Variants in SLC35A2 observed in about 807,000 individuals in gnomAD.
SLC35A2 encodes the protein solute carrier family 35 member A2.
Under a neutral mutation model 17.3 loss-of-function variants are expected in SLC35A2, and 1 was observed. The ratio of observed to expected loss-of-function variants is 0.06; its 90% CI spans 0.02 to 0.27. SLC35A2 has a LOEUF of 0.27. Ranked by LOEUF, SLC35A2 falls within the 10% of genes least tolerant of loss-of-function variation. SLC35A2 has a pLI of 1.00. For missense variants in SLC35A2, 191 were observed against 339.3 expected, an observed-to-expected ratio of 0.56 and a Z score of 3.43; for synonymous variants, 161 against 161.3, an observed-to-expected ratio of 1.00 and a Z score of 0.01.
rs1057522337 is a variant in SLC35A2 at position 48,911,547 on chromosome X, C to G, written c.90G>C (p.Ala30=). The change falls in exon 1 of 5, where the codon GCG becomes GCC. Residue 30 remains alanine, a splice_region_variant and synonymous_variant. Transcript: ENST00000247138. ...GACTGCTCGGGCAGACTGTCTCACC[C>G]GCACTGGCGGTCCCCGGCTCCAATG... ...AGALEPGTAS[A]AHRRLKYISL... 5 of 1,161,572 alleles carry G rather than the reference C, an allele frequency of 4.3e-6. No individual in the cohort carries two copies. In the Admixed American group the frequency reaches 1.3e-4, roughly 30 times the overall value.
chrX:48,910,533 A>T (rs1291379802), intron 1 of SLC35A2, among the ~76,000 whole-genome samples: 2 of 111,675 alleles, frequency 1.8e-5, no homozygotes, highest in Non-Finnish European at 3.8e-5. Flanking sequence ...TCTCATGTAA[A>T]GAATAACACA....
intron 4 of SLC35A2, chrX:48,904,421 G>A: frequency 9.2e-7 from 1 of 1,091,141 alleles, no homozygotes; most frequent in Non-Finnish European, 1.2e-6. Flanking sequence ...GGTCGGGGAG[G>A]GAGCAGACAA....
At chrX:48,911,748 G>A (rs898598564), upstream of SLC35A2, 20 of 1,159,917 alleles carry the variant, frequency 1.7e-5, no homozygotes, top group African/African-American at 1.8e-4. Flanking sequence ...GGATCGTCAG[G>A]GTGGTGGCTT....
chrX:48,903,296 C>A lies in SLC35A2; in HGVS notation c.*142G>T. On this transcript the variant is annotated 3_prime_UTR_variant, in exon 5 of 5. Transcript: ENST00000247138. ...TCATGAGAGAGCTTAGTCATGTTGG[C>A]CCTGGGTGGGGCAGGGGTGGTGGGG... The A allele has an allele frequency of 1.5e-6, 1 of 679,481 alleles. No homozygotes were observed. Among genetic ancestry groups the A allele is most frequent in the Non-Finnish European group, 2.3e-6 (1 of 427,443 alleles). 56.0% of individuals were successfully genotyped at this position (679,481 alleles called of 1,213,427 possible).
upstream of SLC35A2, chrX:48,911,919 G>A (rs782645403): frequency 2.7e-5 from 32 of 1,167,242 alleles, no homozygotes; most frequent in Non-Finnish European, 3.6e-5. Context: ...CCTGCCGTTC[G>A]TCCGCTTCAC....
Position 48,903,453 on chromosome X carries a change from C to T in SLC35A2, c.1176G>A (p.Lys392=), listed in dbSNP as rs2063458793. 1.7e-6 allele frequency: 1 copy of T among 571,622 alleles called. No individual in the cohort carries two copies. Among genetic ancestry groups the T allele is most frequent in the Admixed American group, 2.2e-5 (1 of 44,776 alleles). The allele number at this position is 571,622 out of a possible 1,213,427, so 47.1% of individuals were successfully genotyped here. ...TEPFLPKLLT[K]VKGS is the part of the protein sequence containing the mutation. ...ATCCCAGCGGCTAGGAACCCTTCACCTTGGTGAGCAACCTGTGGTGGGAAT... is the reference window on the plus strand; with the variant it reads ...ATCCCAGCGGCTAGGAACCCTTCACTTTGGTGAGCAACCTGTGGTGGGAAT... Residue 392 remains lysine (K), a synonymous_variant, in exon 5 of 5, where the codon AAG becomes AAA. Coordinates refer to ENST00000247138, the MANE Select transcript of SLC35A2 (RefSeq NM_005660.3).
chrX:48,903,897 G>A (rs1348448440), intron 4 of SLC35A2: 1 of 775,171 alleles, frequency 1.3e-6, no homozygotes, highest in Non-Finnish European at 1.5e-6. Flanking sequence ...ACAGCCAGAC[G>A]GATATCAAGA....
intron 4 of SLC35A2, chrX:48,903,939 A>T (rs782203555): frequency 1.3e-6 from 1 of 760,934 alleles, no homozygotes; most frequent in Admixed American, 7.8e-5. Context: ...TCTCCTAGAC[A>T]TCTCCAAAAA....
chrX:48,911,812 T>A, upstream of SLC35A2: 1 of 1,167,231 alleles, frequency 8.6e-7, no homozygotes, highest in Non-Finnish European at 1.1e-6. Flanking sequence ...ATTTCCAAAT[T>A]CCGTCGGATC....
intron 1 of SLC35A2, chrX:48,910,440 C>T: frequency 2.2e-6 from 1 of 459,393 alleles, no homozygotes; most frequent in African/African-American, 2.5e-5. Context: ...CTGTCATCTC[C>T]AAAAGAACTG....
At chrX:48,903,809 T>C (rs2063463233) in intron 4 of SLC35A2, 1 of 845,138 alleles carries the variant, frequency 1.2e-6, no homozygotes, top group South Asian at 4.2e-5. Context: ...AAGGGGTTAA[T>C]AAGCTTTGGG....
At chrX:48,904,290 A>G in intron 4 of SLC35A2, 2 of 981,145 alleles carry the variant, frequency 2.0e-6, no homozygotes, top group Non-Finnish European at 2.6e-6. Flanking sequence ...ACTGAACCCC[A>G]CAGGTAGGCA....
intron 3 of SLC35A2, chrX:48,905,794 G>A: frequency 6.3e-6 from 2 of 315,626 alleles, no homozygotes; most frequent in East Asian, 4.9e-5. Context: ...ATCTATAAAA[G>A]ATGGCTGAGG....
intron 2 of SLC35A2, among the ~76,000 whole-genome samples, chrX:48,909,475 C>G (rs782470209): frequency 1.9e-4 from 21 of 113,016 alleles, no homozygotes; most frequent in Non-Finnish European, 3.4e-4. Flanking sequence ...TTGCTAATTG[C>G]TGACTCTGGG....
intron 3 of SLC35A2, chrX:48,906,070 C>A: frequency 5.0e-6 from 2 of 402,733 alleles, no homozygotes; most frequent in East Asian, 4.1e-5. Context: ...GAGATTTGAA[C>A]CCAGACAGCC....
rs1336898157 is a variant in SLC35A2, at chrX:48,906,375, C to T, written c.426+17G>A. On this transcript the variant is annotated intron_variant, in intron 3 of 4. Coordinates refer to ENST00000247138, the MANE Select transcript of SLC35A2 (RefSeq NM_005660.3). ...CCCAGTTAGTTCCTCTGGGGCCATG[C>T]TGGGCTTGGGGCTCACCTGGAAAGT... 1 of 1,206,830 alleles carries T rather than the reference C, an allele frequency of 8.3e-7. No individual in the cohort carries two copies. Among genetic ancestry groups the T allele is most frequent in the Non-Finnish European group, 1.1e-6 (1 of 891,715 alleles).
At chrX:48,903,567 T>C in intron 4 of SLC35A2, 102 bp from the exon 5 acceptor site, 1 of 552,546 alleles carries the variant, frequency 1.8e-6, no homozygotes, top group Non-Finnish European at 3.2e-6. Context: ...CTGGTAGTCC[T>C]GGGGTTAGTA....
rs1557042672 is a variant in SLC35A2 at position 48,904,832 on chromosome X, G to A, written c.1077C>T (p.Cys359=). ...ASASASASGP[C]VHQQPPGQPP... ...GCTGCCCGGGAGGCTGCTGGTGAACGCAGGGCCCGGAGGCGGAGGCAGAGG... is the reference window on the plus strand; with the variant it reads ...GCTGCCCGGGAGGCTGCTGGTGAACACAGGGCCCGGAGGCGGAGGCAGAGG... Residue 359 remains cysteine (C), a synonymous_variant, in exon 4 of 5, where the codon TGC becomes TGT. Coordinates refer to ENST00000247138, the MANE Select transcript of SLC35A2 (RefSeq NM_005660.3). The A allele has an allele frequency of 1.7e-6, 2 of 1,211,364 alleles. No homozygotes were observed. The highest frequency in any genetic ancestry group is 1.8e-5 in the South Asian group (1 of 56,914).
rs782441638 is a variant in SLC35A2 at position 48,911,559 on chromosome X, C to A, written c.78G>T (p.Gly26=). The part of the protein sequence containing the change: ...GAVSAGALEP[G]TASAAHRRLK... ...AGACTGTCTCACCCGCACTGGCGGT[C>A]CCCGGCTCCAATGCACCCGCGGAAA... The change falls in exon 1 of 5, where the codon GGG becomes GGT. Residue 26 remains glycine (G), a synonymous_variant. Coordinates refer to ENST00000247138, the MANE Select transcript of SLC35A2 (RefSeq NM_005660.3). The A allele has an allele frequency of 8.6e-7, 1 of 1,162,891 alleles. No individual in the cohort carries two copies. The highest frequency in any genetic ancestry group is 1.1e-6 in the Non-Finnish European group (1 of 874,187).
Sources: allele counts gnomAD v4.1 joint callset (sites outside exome capture counted in the v4.1 genomes callset), GRCh38; gene constraint gnomAD v4.1.1; transcripts MANE v1.5; gene names NCBI Gene and HGNC (gene_info 2026-07-23, HGNC 2026-07-21).